Variants in DCLK1 observed in about 807,000 individuals in gnomAD.
The protein encoded by DCLK1 is doublecortin like kinase 1.
Under a neutral mutation model 86.2 loss-of-function variants are expected in DCLK1, and 16 were observed. The ratio of observed to expected loss-of-function variants is 0.19; its 90% confidence interval spans 0.13 to 0.28. The LOEUF (loss-of-function observed/expected upper bound fraction) is 0.28, where lower values mean the gene tolerates loss of function less well. Ranked by LOEUF, DCLK1 falls within the 10% of genes least tolerant of loss-of-function variation. The pLI is 1.00. For missense variants in DCLK1, 590 were observed against 940.2 expected (o/e 0.63, Z 4.87); for synonymous variants, 369 against 370.5 (o/e 1.00, Z 0.05).
In DCLK1 at chr13:36,021,267, A is replaced by C. The variant is rs570852086; in HGVS notation, c.724-73810T>G. Among the ~76,000 whole-genome samples the C allele has an allele frequency of 1.2e-4, 19 of 152,002 alleles. No individual in the cohort carries two copies. The South Asian group carries it at 3.3e-3, about 27-fold the overall frequency. ...ATAAAAAAAAAAAGTAAAAGAAACA[A>C]TAAGAGGTTTAAAATTATGTACTAG... On this transcript the variant is annotated intron_variant, in intron 3 of 16. Transcript: ENST00000360631.
chr13:36,078,067 ATTAGGT>A (rs1884273994), intron 3 of DCLK1, among the ~76,000 whole-genome samples: 2 of 152,266 alleles, frequency 1.3e-5, no homozygotes, highest in East Asian at 1.9e-4. Flanking sequence ...CTTTGGAGTG[ATTAGGT>A]TTAGATAAAA....
intron 14 of DCLK1, 34 bp downstream of exon 14, chr13:35,808,190 G>C: frequency 6.4e-7 from 1 of 1,566,518 alleles, no homozygotes; most frequent in East Asian, 2.2e-5. Flanking sequence ...AAGACACACA[G>C]AATATAGGGA....
intron 3 of DCLK1, among the ~76,000 whole-genome samples, chr13:36,077,450 G>A (rs1884253186): frequency 6.6e-6 from 1 of 152,120 alleles, no homozygotes; most frequent in Non-Finnish European, 1.5e-5. Context: ...GGCAATTTTT[G>A]TTAAGAGGGT....
intron 3 of DCLK1, among the ~76,000 whole-genome samples, chr13:35,978,473 TG>T (rs1284720470): frequency 5.3e-5 from 8 of 152,122 alleles, no homozygotes; most frequent in Non-Finnish European, 1.2e-4. Flanking sequence ...CCCAAAGTGC[TG>T]GGATTACCGG....
chr13:36,103,185 G>C (rs766074533), intron 3 of DCLK1, among the ~76,000 whole-genome samples: 3 of 152,040 alleles, frequency 2.0e-5, no homozygotes, highest in Non-Finnish European at 4.4e-5. Flanking sequence ...CAGATCACTT[G>C]AGGTCAGGAG....
chr13:36,002,355 A>G (rs1470117838), intron 3 of DCLK1, among the ~76,000 whole-genome samples: 1 of 152,240 alleles, frequency 6.6e-6, no homozygotes, highest in Non-Finnish European at 1.5e-5. Context: ...AGCAACCAAT[A>G]TTCGCTAGAA....
intron 4 of DCLK1, among the ~76,000 whole-genome samples, chr13:35,937,203 G>C (rs898575390): frequency 6.6e-6 from 1 of 151,508 alleles, no homozygotes; most frequent in Non-Finnish European, 1.5e-5. Context: ...TCGATCTCCT[G>C]ACCTCATGAT....
intron 3 of DCLK1, among the ~76,000 whole-genome samples, chr13:36,101,371 C>A (rs1229269027): frequency 6.6e-6 from 1 of 152,232 alleles, no homozygotes; most frequent in African/African-American, 2.4e-5. Context: ...AATGCACTGG[C>A]TGCTTTCCAG....
chr13:35,940,521 A>G (rs894406862), intron 4 of DCLK1, among the ~76,000 whole-genome samples: 7 of 152,100 alleles, frequency 4.6e-5, no homozygotes, highest in African/African-American at 1.4e-4. Context: ...GTTTCCATTA[A>G]CCTTCTGGTT....
intron 7 of DCLK1, among the ~76,000 whole-genome samples, chr13:35,837,462 C>T (rs1397979356): frequency 2.6e-5 from 4 of 152,130 alleles, no homozygotes; most frequent in African/African-American, 9.7e-5. Context: ...TCTCACCCCT[C>T]TAAAGAAGCC....
intron 3 of DCLK1, among the ~76,000 whole-genome samples, chr13:35,990,064 G>A (rs773597960): frequency 6.6e-6 from 1 of 152,034 alleles, no homozygotes; most frequent in Non-Finnish European, 1.5e-5. Context: ...ATATCTGAAG[G>A]TGGCACACTC....
intron 15 of DCLK1, among the ~76,000 whole-genome samples, chr13:35,803,256 T>C (rs2153101419): frequency 6.6e-6 from 1 of 152,292 alleles, no homozygotes; most frequent in East Asian, 1.9e-4. Flanking sequence ...TGTAGGCTTG[T>C]TATGAGGCTC....
At chr13:36,043,582 T>C (rs146262073) in intron 3 of DCLK1, among the ~76,000 whole-genome samples, 406 of 152,218 alleles carry the variant, frequency 2.7e-3, no homozygotes, top group Non-Finnish European at 3.7e-3. Context: ...TTCTCACCAA[T>C]ACATATCATT....
intron 3 of DCLK1, among the ~76,000 whole-genome samples, chr13:36,081,900 C>T (rs1383576939): frequency 2.0e-5 from 3 of 152,222 alleles, no homozygotes; most frequent in Admixed American, 6.5e-5. Flanking sequence ...GTAACAACAA[C>T]GCTATAAGAC....
chr13:35,881,057 T>A (rs1385379409), intron 4 of DCLK1, among the ~76,000 whole-genome samples: 2 of 152,108 alleles, frequency 1.3e-5, no homozygotes, highest in Non-Finnish European at 2.9e-5. Context: ...CCAGACCATA[T>A]AACAAAACAC....
intron 3 of DCLK1, among the ~76,000 whole-genome samples, chr13:36,029,874 T>C (rs1333951211): frequency 6.6e-6 from 1 of 152,236 alleles, no homozygotes; most frequent in Non-Finnish European, 1.5e-5. Flanking sequence ...GATATTGTCA[T>C]ATGCTTATAC....
chr13:35,882,120 C>A (rs1408642901), intron 4 of DCLK1, among the ~76,000 whole-genome samples: 1 of 152,186 alleles, frequency 6.6e-6, no homozygotes, highest in Non-Finnish European at 1.5e-5. Flanking sequence ...GGTCTGGAGT[C>A]TCTCCAAAAG....
At chr13:36,028,182 A>G (rs896102643) in intron 3 of DCLK1, among the ~76,000 whole-genome samples, 10 of 152,238 alleles carry the variant, frequency 6.6e-5, no homozygotes, top group Non-Finnish European at 1.2e-4. Flanking sequence ...ACTACTGACT[A>G]TAAAAAATAG....
chr13:35,969,383 T>C (rs891665875), intron 3 of DCLK1, among the ~76,000 whole-genome samples: 1 of 152,006 alleles, frequency 6.6e-6, no homozygotes, highest in Non-Finnish European at 1.5e-5. Context: ...GAGAAAGCCA[T>C]GTGAACATGG....
Sources: gnomAD v4.1 joint callset for allele counts (sites outside exome capture counted in the v4.1 genomes callset) on GRCh38, gnomAD v4.1.1 for gene constraint, MANE v1.5 for transcripts, NCBI Gene and HGNC (gene_info 2026-07-23, HGNC 2026-07-21) for gene names.